UGT2B17: variants seen among roughly 807,000 people sequenced by gnomAD.
The protein encoded by UGT2B17 is UDP-glucuronosyltransferase 2B17.
A neutral mutation model predicts 48.2 loss-of-function variants in UGT2B17; 21 were observed. The observed-to-expected ratio is 0.44, with a 90% CI of 0.31 to 0.63. UGT2B17 has a LOEUF of 0.63. Among genes scored for constraint, UGT2B17 ranks in the 20% least tolerant of loss-of-function variants. UGT2B17 has a pLI of 0.08. For missense variants in UGT2B17, 402 were observed against 696.1 expected (o/e 0.58, Z 4.75); for synonymous variants, 146 against 238.4 (o/e 0.61, Z 3.57).
At chr4:68,544,545 A>G (rs1730755291) in intron 6 of UGT2B17, among the ~76,000 whole-genome samples, 2 of 125,868 alleles carry the variant, frequency 1.6e-5, no homozygotes, top group Non-Finnish European at 3.4e-5. Context: ...ACTATCGAGC[A>G]AAACAATCAG....
intron 6 of UGT2B17, among the ~76,000 whole-genome samples, chr4:68,549,216 C>T (rs1333290008): frequency 1.6e-5 from 2 of 123,426 alleles, no homozygotes; most frequent in African/African-American, 5.5e-5. Flanking sequence ...GATTAATAGA[C>T]TCTGAATTGA....
intron 6 of UGT2B17, among the ~76,000 whole-genome samples, chr4:68,547,496 A>T (rs1483250486): frequency 8.0e-6 from 1 of 124,918 alleles, no homozygotes; most frequent in Non-Finnish European, 1.7e-5. Context: ...AGGCAATACC[A>T]TTCAGGACAT....
At chr4:68,554,157 C>A (rs1730962527) in intron 4 of UGT2B17, among the ~76,000 whole-genome samples, 1 of 125,620 alleles carries the variant, frequency 8.0e-6, no homozygotes, top group Admixed American at 8.1e-5. Flanking sequence ...TGGTGACACA[C>A]TGTGGAGTAC....
intron 3 of UGT2B17, among the ~76,000 whole-genome samples, chr4:68,565,340 T>A (rs1731178103): frequency 7.9e-6 from 1 of 126,026 alleles, no homozygotes; most frequent in Admixed American, 8.1e-5. Context: ...AATGAAGGCC[T>A]TACTTTAACC....
chr4:68,539,652 A>G (rs1254063693), intron 6 of UGT2B17, among the ~76,000 whole-genome samples: 1 of 123,742 alleles, frequency 8.1e-6, no homozygotes, highest in Non-Finnish European at 1.7e-5. Context: ...CATTTTCTGG[A>G]TGATTTATAA....
At position 68,544,748 on chromosome 4, in the gene UGT2B17, A is replaced by G. The variant is rs1329723608; in HGVS notation, c.1313+5929T>C. Among the ~76,000 whole-genome samples the G allele has an allele frequency of 3.2e-5, 4 of 125,780 alleles. 1 individual carries two copies. The highest frequency in any genetic ancestry group is 2.5e-4 in the Admixed American group (3 of 12,222). The allele number at this position is 125,780 out of a possible 152,430, so 82.5% of individuals were successfully genotyped here. A position where few individuals can be genotyped will look rare whatever the true frequency, so the allele number is the denominator to read the frequency against. On this transcript the variant is annotated intron_variant, in intron 6 of 6. Coordinates refer to ENST00000317746, the MANE Select transcript of UGT2B17 (RefSeq NM_001077.4). ...AGGCTCAAAATAAAGGGATGGAGGAAGATCTACCAAGCAAATGGAAAGCAA... is the reference window on the plus strand; with the variant it reads ...AGGCTCAAAATAAAGGGATGGAGGAGGATCTACCAAGCAAATGGAAAGCAA...
intron 6 of UGT2B17, among the ~76,000 whole-genome samples, chr4:68,543,539 A>G (rs1730726736): frequency 7.9e-6 from 1 of 126,036 alleles, no homozygotes; most frequent in Non-Finnish European, 1.7e-5. Context: ...TCCTCCTCCA[A>G]AGAAATGCAG....
Position 68,538,953 on chromosome 4 carries a change from A to G in UGT2B17, c.1314-1049T>C, listed in dbSNP as rs1200596242. Among the ~76,000 whole-genome samples, 2 of 125,318 alleles carry G rather than the reference A, an allele frequency of 1.6e-5. 1 individual carries two copies. Among genetic ancestry groups the G allele is most frequent in the Non-Finnish European group, 3.4e-5 (2 of 59,368 alleles). 82.2% of individuals were successfully genotyped at this position (125,318 alleles called of 152,430 possible). A position where few individuals can be genotyped will look rare whatever the true frequency, so the allele number is the denominator to read the frequency against. On this transcript the variant is annotated intron_variant, in intron 6 of 6. Transcript: ENST00000317746. ...TGAGGTTTGCTTCTATTTCTTTTTG[A>G]GGCTTCCCCTTAAATGATACCTCTT... is the stretch of plus-strand genomic sequence containing the variant.
rs1308702939 is a variant in UGT2B17, at chr4:68,552,496, T to C, written c.1006-585A>G. ...ATCCCTAAAATGTATAAAACCAAAC[T>C]GTCCCCCCACCACCTTGGGACACAT... On this transcript the variant is annotated intron_variant, in intron 4 of 6. Transcript: ENST00000317746. Among the ~76,000 whole-genome samples, 2 of 126,072 alleles carry C rather than the reference T, an allele frequency of 1.6e-5. 1 individual carries two copies. The highest frequency in any genetic ancestry group is 1.5e-3 in the East Asian group (2 of 1,326). 82.7% of individuals were successfully genotyped at this position (126,072 alleles called of 152,430 possible).
intron 1 of UGT2B17, among the ~76,000 whole-genome samples, chr4:68,572,846 G>A (rs1313848193): frequency 7.9e-6 from 1 of 125,954 alleles, no homozygotes; most frequent in African/African-American, 2.7e-5. Flanking sequence ...GGGTGTGACT[G>A]GAGCAGTGTT....
In UGT2B17 at chr4:68,553,042, G is replaced by A. The variant is rs145475994; in HGVS notation, c.1006-1131C>T. Among the ~76,000 whole-genome samples the A allele has an allele frequency of 4.0e-5, 5 of 124,816 alleles. 1 individual carries two copies. Among genetic ancestry groups the A allele is most frequent in the Admixed American group, 8.3e-5 (1 of 12,110 alleles). 81.9% of individuals were successfully genotyped at this position (124,816 alleles called of 152,430 possible). A position where few individuals can be genotyped will look rare whatever the true frequency, so the allele number is the denominator to read the frequency against. On this transcript the variant is annotated intron_variant, in intron 4 of 6. Coordinates refer to ENST00000317746, the MANE Select transcript of UGT2B17 (RefSeq NM_001077.4). The stretch of plus-strand genomic sequence containing the variant: ...CATCCGTAGGTAAATAGCTGAATTG[G>A]GGTTTTGTCTTGGTTAATGTTTAAC...
At chr4:68,547,774 C>T (rs1300831272) in intron 6 of UGT2B17, among the ~76,000 whole-genome samples, 1 of 126,472 alleles carries the variant, frequency 7.9e-6, no homozygotes, top group Non-Finnish European at 1.7e-5. Flanking sequence ...AGGAAATGAA[C>T]AGACACTTCT....
chr4:68,562,307 G>T (rs1731119222), intron 3 of UGT2B17, among the ~76,000 whole-genome samples: 1 of 124,132 alleles, frequency 8.1e-6, no homozygotes, highest in Non-Finnish European at 1.7e-5. Context: ...GTAGAGACAG[G>T]TTTCACCATC....
rs1246332712 is a variant in UGT2B17, at chr4:68,567,938, T to C, written c.547A>G (p.Lys183Glu). The change falls in exon 2 of 7, where the codon AAG (lysine) becomes GAG (glutamate). Residue 183 changes from lysine to glutamate, a missense_variant. Physicochemically the swap from Lys to Glu is moderately conservative, Grantham distance 56. Around this residue, in one of 5 missense-constraint regions of UGT2B17, gnomAD observed 106 missense variants for 169.8 expected, o/e 0.62. Transcript: ENST00000317746. ...GGGAACAGAAATCCTCCACCATTCT[T>C]CTCAACTGTGTAGCCAACAGAGAAG... Reference protein sequence around the residue: ...LRFSVGYTVEKNGGGFLFPPS... With the variant: ...LRFSVGYTVEENGGGFLFPPS... The C allele has an allele frequency of 2.2e-6, 3 of 1,380,436 alleles. 1 individual carries two copies. The highest frequency in any genetic ancestry group is 9.5e-7 in the Non-Finnish European group (1 of 1,054,932). 85.5% of individuals were successfully genotyped at this position (1,380,436 alleles called of 1,614,324 possible). A position where few individuals can be genotyped will look rare whatever the true frequency, so the allele number is the denominator to read the frequency against.
Position 68,539,950 on chromosome 4 carries a change from T to C in UGT2B17, c.1314-2046A>G, listed in dbSNP as rs950400352. 2.5e-5 allele frequency among the ~76,000 whole-genome samples: 3 copies of C among 121,092 alleles called. 1 individual carries two copies. The highest frequency in any genetic ancestry group is 5.2e-5 in the Non-Finnish European group (3 of 57,972). The allele number at this position is 121,092 out of a possible 152,430, so 79.4% of individuals were successfully genotyped here. On this transcript the variant is annotated intron_variant, in intron 6 of 6. Coordinates refer to ENST00000317746, the MANE Select transcript of UGT2B17 (RefSeq NM_001077.4). ...CAGGTGCTCATCCCCCACATCTGGC[T>C]AAGTTTTGTATTACTAGTGGACACA... is the stretch of plus-strand genomic sequence containing the variant.
Position 68,553,128 on chromosome 4 carries a change from T to C in UGT2B17, c.1006-1217A>G, listed in dbSNP as rs1208271659. Among the ~76,000 whole-genome samples the C allele has an allele frequency of 1.4e-4, 17 of 125,700 alleles. 2 individuals are homozygous for C. The highest frequency in any genetic ancestry group is 2.9e-4 in the Non-Finnish European group (17 of 59,400). 82.5% of individuals were successfully genotyped at this position (125,700 alleles called of 152,430 possible). On this transcript the variant is annotated intron_variant, in intron 4 of 6. Coordinates refer to ENST00000317746, the MANE Select transcript of UGT2B17 (RefSeq NM_001077.4). ...TGCTTAATGATCACATTTTTGGGAG[T>C]ATTTTTTTTGTACATTCCAGTATTT...
chr4:68,571,595 C>G (rs1731298103), intron 1 of UGT2B17, among the ~76,000 whole-genome samples: 1 of 126,126 alleles, frequency 7.9e-6, no homozygotes, highest in African/African-American at 2.7e-5. Context: ...TTTAGCTATG[C>G]AATACTGTCT....
In UGT2B17 at chr4:68,558,048, C is replaced by G. The variant is rs1578169244; in HGVS notation, c.1005+2489G>C. The stretch of plus-strand genomic sequence containing the variant: ...CTTTAAAAAAGTCCTATCTGAGATT[C>G]TTTCTATAAGACAAAGTTCCATCAA... On this transcript the variant is annotated intron_variant, in intron 4 of 6. Transcript: ENST00000317746. Among the ~76,000 whole-genome samples the G allele has an allele frequency of 1.6e-5, 2 of 124,062 alleles. 1 individual carries two copies. Among genetic ancestry groups the G allele is most frequent in the Admixed American group, 1.7e-4 (2 of 11,930 alleles). The allele number at this position is 124,062 out of a possible 152,430, so 81.4% of individuals were successfully genotyped here.
chr4:68,561,188 T>A (rs1374901540), intron 3 of UGT2B17, among the ~76,000 whole-genome samples: 1 of 123,584 alleles, frequency 8.1e-6, no homozygotes, highest in African/African-American at 2.8e-5. Flanking sequence ...TAGAATGATT[T>A]TATATCTACA....
Sources: allele counts gnomAD v4.1 joint callset (sites outside exome capture counted in the v4.1 genomes callset), GRCh38; gene constraint gnomAD v4.1.1; regional missense constraint gnomAD v4.1.1; transcripts MANE v1.5; gene names NCBI Gene and HGNC (gene_info 2026-07-23, HGNC 2026-07-21).